The following CSMD3 variants were observed in gnomAD, a reference collection of about 807,000 sequenced individuals.
CSMD3 encodes the protein CUB and sushi domain-containing protein 3.
In CSMD3, 177 loss-of-function variants were observed where a neutral mutation model predicts 435.2. The observed-to-expected ratio is 0.41, with a 90% CI of 0.36 to 0.46. The LOEUF (loss-of-function observed/expected upper bound fraction) is 0.46, where lower values mean the gene tolerates loss of function less well. CSMD3 is among the 20% of genes least tolerant of loss of function. The pLI, the probability that CSMD3 is intolerant of heterozygous loss-of-function variation, is 0.34. For synonymous variants in CSMD3, 1,656 were observed against 1,520.5 expected (o/e 1.09, Z -2.07); for missense variants, 4,265 against 4,504.6 (o/e 0.95, Z 1.52).
chr8:112,361,948 A>C (rs74831075), intron 38 of CSMD3, among the ~76,000 whole-genome samples: 5 of 151,842 alleles, frequency 3.3e-5, no homozygotes, highest in Non-Finnish European at 5.9e-5. Context: ...AATTGTGGAT[A>C]CAAGACAACT....
At chr8:113,434,848 T>C (rs1026092144) in intron 1 of CSMD3, among the ~76,000 whole-genome samples, 1 of 152,210 alleles carries the variant, frequency 6.6e-6, no homozygotes, top group Non-Finnish European at 1.5e-5. Context: ...AGTCAGGCTG[T>C]AATGCTCGCC....
At chr8:113,076,332 T>C (rs1419965906) in intron 5 of CSMD3, among the ~76,000 whole-genome samples, 1 of 151,924 alleles carries the variant, frequency 6.6e-6, no homozygotes, top group Non-Finnish European at 1.5e-5. Context: ...AAGGGCAAAT[T>C]TGTGAACTGA....
At chr8:112,903,504 G>C (rs1356022552) in intron 10 of CSMD3, among the ~76,000 whole-genome samples, 1 of 151,182 alleles carries the variant, frequency 6.6e-6, no homozygotes, top group East Asian at 2.0e-4. Context: ...CAACAACCCT[G>C]GCATGAGGGG....
chr8:113,382,493 A>G (rs1588635965), intron 1 of CSMD3, among the ~76,000 whole-genome samples: 1 of 152,120 alleles, frequency 6.6e-6, no homozygotes. Flanking sequence ...TTTGTAAAAA[A>G]TAACTAAGTG....
chr8:112,959,674 T>C (rs2130857386), intron 7 of CSMD3, among the ~76,000 whole-genome samples: 1 of 151,992 alleles, frequency 6.6e-6, no homozygotes, highest in Non-Finnish European at 1.5e-5. Flanking sequence ...TCTTTTACTT[T>C]ATAGTAAACT....
chr8:113,246,988 A>C (rs547939366), intron 3 of CSMD3, among the ~76,000 whole-genome samples: 1 of 152,282 alleles, frequency 6.6e-6, no homozygotes, highest in South Asian at 2.1e-4. Context: ...CTGGTGGAGG[A>C]CCAGAAGTAG....
chr8:113,222,723 T>C (rs899766458), intron 3 of CSMD3, among the ~76,000 whole-genome samples: 4 of 151,090 alleles, frequency 2.6e-5, no homozygotes, highest in Non-Finnish European at 5.9e-5. Flanking sequence ...AATGAAAACA[T>C]TTCAAAACAA....
In CSMD3 at chr8:112,872,853, A is replaced by G. The variant is rs145171801; in HGVS notation, c.1634-13587T>C. ...TGATATAAATTATTATGCACAATTTATATAGAAAGCCTAGCATTCTCAAGG... is the reference window on the plus strand; with the variant it reads ...TGATATAAATTATTATGCACAATTTGTATAGAAAGCCTAGCATTCTCAAGG... On this transcript the variant is annotated intron_variant, in intron 10 of 70. Transcript: ENST00000297405. 4.7e-3 allele frequency among the ~76,000 whole-genome samples: 708 copies of G among 152,166 alleles called. 18 individuals carry two copies. The highest frequency in any genetic ancestry group is 0.038 in the Admixed American group (579 of 15,270).
chr8:112,587,221 A>G lies in CSMD3; in HGVS notation c.3730T>C (p.Ser1244Pro). The change falls in exon 23 of 71, where the codon TCT becomes CCT. Residue 1244 changes from serine to proline, a missense_variant. Physicochemically the swap from Ser to Pro is moderately conservative, Grantham distance 74. Around this residue, in one of 3 missense-constraint regions of CSMD3, gnomAD observed 3,255 missense variants for 3,380.2 expected, o/e 0.96. Transcript: ENST00000297405. ...LPRCVAECGASATNNEGILLS... is the reference protein window; with the variant it reads ...LPRCVAECGAPATNNEGILLS... Reference sequence around the variant, plus strand: ...AAAATTCCTTCATTATTCGTTGCAGATGCACCACATTCAGCTGCAGGTAAA... The same window carrying G: ...AAAATTCCTTCATTATTCGTTGCAGGTGCACCACATTCAGCTGCAGGTAAA... 1 of 1,608,302 alleles carries G rather than the reference A, an allele frequency of 6.2e-7. No homozygotes were observed. Among genetic ancestry groups the G allele is most frequent in the Non-Finnish European group, 8.5e-7 (1 of 1,175,646 alleles).
intron 38 of CSMD3, among the ~76,000 whole-genome samples, chr8:112,370,008 AGAG>A (rs1182917150): frequency 2.9e-5 from 3 of 103,008 alleles, no homozygotes; most frequent in African/African-American, 9.3e-5. Context: ...AAGAAGAGGA[AGAG>A]GAAGAAGAAG....
chr8:113,060,256 G>C (rs1042278493), intron 5 of CSMD3, among the ~76,000 whole-genome samples: 1 of 140,896 alleles, frequency 7.1e-6, no homozygotes, highest in Non-Finnish European at 1.5e-5. Flanking sequence ...TTGGTTTTTT[G>C]TTCTTGCGAT....
chr8:112,749,606 T>C (rs535197785), intron 13 of CSMD3, among the ~76,000 whole-genome samples: 4 of 152,226 alleles, frequency 2.6e-5, no homozygotes, highest in African/African-American at 9.6e-5. Flanking sequence ...TCTTCAGACA[T>C]GAGGAGCACT....
chr8:112,498,669 T>C (rs2130889331), intron 30 of CSMD3, among the ~76,000 whole-genome samples: 1 of 152,264 alleles, frequency 6.6e-6, no homozygotes. Context: ...TAATTTACAG[T>C]AGAACCTCAC....
intron 11 of CSMD3, 134 bp downstream of exon 11, chr8:112,859,011 T>TGTTA: frequency 1.4e-6 from 1 of 730,696 alleles, no homozygotes; most frequent in Non-Finnish European, 2.3e-6. Flanking sequence ...GTTTATAAAC[T>TGTTA]GTTAAGTAGG....
intron 24 of CSMD3, among the ~76,000 whole-genome samples, chr8:112,570,932 T>C (rs933368576): frequency 6.6e-6 from 1 of 152,198 alleles, no homozygotes; most frequent in Non-Finnish European, 1.5e-5. Context: ...AGCTTTATAC[T>C]CTCTTCCCAC....
intron 5 of CSMD3, among the ~76,000 whole-genome samples, chr8:113,030,965 C>T (rs1030491826): frequency 4.0e-5 from 6 of 151,590 alleles, no homozygotes; most frequent in South Asian, 4.2e-4. Flanking sequence ...ATACACCTAC[C>T]AGAATGGCTA....
chr8:112,774,100 A>G lies in CSMD3; in HGVS notation c.1972+26062T>C, dbSNP rs555810582. ...TCATACTTTTTTTGGTTCTTTCTCTATAAATTTATCTGCATCAAATTCATC... is the reference window on the plus strand; with the variant it reads ...TCATACTTTTTTTGGTTCTTTCTCTGTAAATTTATCTGCATCAAATTCATC... On this transcript the variant is annotated intron_variant, in intron 13 of 70. Transcript: ENST00000297405. 2.6e-5 allele frequency among the ~76,000 whole-genome samples: 4 copies of G among 152,116 alleles called. No individual in the cohort carries two copies. The South Asian group carries it at 6.2e-4, about 24-fold the overall frequency.
intron 13 of CSMD3, among the ~76,000 whole-genome samples, chr8:112,725,334 G>A (rs557953804): frequency 2.0e-5 from 3 of 151,950 alleles, no homozygotes; most frequent in South Asian, 4.2e-4. Context: ...GAAGCATTGC[G>A]ACTTCAGTTA....
intron 5 of CSMD3, among the ~76,000 whole-genome samples, chr8:113,076,143 A>G (rs2131427947): frequency 6.6e-6 from 1 of 151,710 alleles, no homozygotes; most frequent in Admixed American, 6.6e-5. Context: ...TATGGAAATA[A>G]GAGCATCGGA....
Sources: allele counts gnomAD v4.1 joint callset (sites outside exome capture counted in the v4.1 genomes callset), GRCh38; gene constraint gnomAD v4.1.1; regional missense constraint gnomAD v4.1.1; transcripts MANE v1.5; gene names NCBI Gene and HGNC (gene_info 2026-07-23, HGNC 2026-07-21).